Variants in PTPRM observed in about 807,000 individuals in gnomAD.
The protein encoded by PTPRM is protein tyrosine phosphatase receptor type M.
In PTPRM, 47 loss-of-function variants were observed where a neutral mutation model predicts 186.7. The observed-to-expected ratio is 0.25, with a 90% confidence interval of 0.20 to 0.32. The LOEUF is 0.32. Among genes scored for constraint, PTPRM ranks in the 10% least tolerant of loss-of-function variants. PTPRM has a pLI of 1.00. For missense variants in PTPRM, 1,494 were observed against 1,865.0 expected, an observed-to-expected ratio of 0.80 and a Z score of 3.66; for synonymous variants, 668 against 674.9, an observed-to-expected ratio of 0.99 and a Z score of 0.16.
In PTPRM at chr18:8,372,232, C is replaced by T. The variant is rs553777894; in HGVS notation, c.3171+1226C>T. On this transcript the variant is annotated intron_variant, in intron 24 of 32. Coordinates refer to ENST00000580170, the MANE Select transcript of PTPRM (RefSeq NM_001105244.2). Reference sequence around the variant, plus strand: ...GACTACAGGCGCCCGCCACCGCGCCCGGCTAATTTTTTGTATTTTTTTTAG... The same window carrying T: ...GACTACAGGCGCCCGCCACCGCGCCTGGCTAATTTTTTGTATTTTTTTTAG... Among the ~76,000 whole-genome samples the T allele has an allele frequency of 2.5e-3, 367 of 146,664 alleles. 1 individual carries two copies. The highest frequency in any genetic ancestry group is 4.3e-3 in the Non-Finnish European group (284 of 66,704).
At chr18:7,907,153 TAACA>T (rs1381335071) in intron 4 of PTPRM, among the ~76,000 whole-genome samples, 3 of 152,358 alleles carry the variant, frequency 2.0e-5, no homozygotes, top group East Asian at 3.9e-4. Flanking sequence ...TATGAACAAC[TAACA>T]GTTTGTCATA....
In PTPRM at chr18:8,358,249, GCACA is replaced by G. The variant is rs144869213; in HGVS notation, c.3055-12618_3055-12615del. Among the ~76,000 whole-genome samples the G allele has an allele frequency of 4.3e-3, 632 of 147,652 alleles. 4 individuals are homozygous for G. Among genetic ancestry groups the G allele is most frequent in the African/African-American group, 0.013 (523 of 40,230 alleles). ...CTTCCCAAATGTATGCACATGACAC[GCACA>G]CACACACACACACACACACACATGC... is the stretch of plus-strand genomic sequence containing the variant. On this transcript the variant is annotated intron_variant, in intron 23 of 32. Transcript: ENST00000580170.
In PTPRM at chr18:7,786,505, TA is replaced by T. The variant is rs549597051; in HGVS notation, c.196+12240del. On this transcript the variant is annotated intron_variant, in intron 2 of 32. Coordinates refer to ENST00000580170, the MANE Select transcript of PTPRM (RefSeq NM_001105244.2). ...TATTCTGTTACCCATAGAAAATGCA[TA>T]AAAAATTGAAATCCTTGGCATAAAA... 2.6e-5 allele frequency among the ~76,000 whole-genome samples: 4 copies of T among 152,324 alleles called. No homozygotes were observed. In the East Asian group the frequency reaches 7.7e-4, roughly 29 times the overall value.
At position 8,299,644 on chromosome 18, in the gene PTPRM, T is replaced by A. The variant is rs193139162; in HGVS notation, c.2842+3189T>A. On this transcript the variant is annotated intron_variant, in intron 20 of 32. Transcript: ENST00000580170. Reference sequence around the variant, plus strand: ...ACACAAGATACTGCCCTCCTAGTAGTTACAGTCTAGTGCAGGGGGTTGGCA... The same window carrying A: ...ACACAAGATACTGCCCTCCTAGTAGATACAGTCTAGTGCAGGGGGTTGGCA... Among the ~76,000 whole-genome samples, 471 of 152,100 alleles carry A rather than the reference T, an allele frequency of 3.1e-3. 3 individuals are homozygous for A. The highest frequency in any genetic ancestry group is 0.011 in the African/African-American group (447 of 41,464).
chr18:8,306,686 C>T (rs761029457), intron 20 of PTPRM, among the ~76,000 whole-genome samples: 9 of 152,202 alleles, frequency 5.9e-5, no homozygotes, highest in Non-Finnish European at 1.2e-4. Flanking sequence ...TTCCTCCCTT[C>T]AACCCCAATG....
At chr18:8,099,573 C>T (rs758518898) in intron 11 of PTPRM, among the ~76,000 whole-genome samples, 11 of 151,732 alleles carry the variant, frequency 7.2e-5, no homozygotes, top group Non-Finnish European at 1.2e-4. Context: ...AATGTGTCTT[C>T]CGGATGGAAA....
At chr18:8,243,642 C>G (rs2094452088) in intron 14 of PTPRM, among the ~76,000 whole-genome samples, 1 of 152,158 alleles carries the variant, frequency 6.6e-6, no homozygotes, top group Non-Finnish European at 1.5e-5. Flanking sequence ...AAAATATTTA[C>G]TCAAGGGAGT....
chr18:7,733,176 A>T (rs1191746411), intron 1 of PTPRM, among the ~76,000 whole-genome samples: 1 of 152,124 alleles, frequency 6.6e-6, no homozygotes, highest in African/African-American at 2.4e-5. Flanking sequence ...CTATCAACCC[A>T]TCATCTAGGT....
intron 2 of PTPRM, among the ~76,000 whole-genome samples, chr18:7,805,611 C>T (rs1272789023): frequency 6.6e-6 from 1 of 152,168 alleles, no homozygotes; most frequent in Non-Finnish European, 1.5e-5. Flanking sequence ...ATTATTTACT[C>T]AATACTTACT....
intron 7 of PTPRM, among the ~76,000 whole-genome samples, chr18:8,031,782 C>G (rs879743876): frequency 1.1e-4 from 16 of 152,154 alleles, no homozygotes; most frequent in Admixed American, 2.0e-4. Context: ...TGAACCCAAG[C>G]AAATCAGCAG....
At position 8,380,195 on chromosome 18, in the gene PTPRM, C is replaced by T; in HGVS notation, c.3787-101C>T. ...GAATTCAACAGCTGTTAAACATGTT[C>T]AGTGTTTTGTGCCACAAGCTTCCTT... On this transcript the variant is annotated intron_variant, in intron 28 of 32. Coordinates refer to ENST00000580170, the MANE Select transcript of PTPRM (RefSeq NM_001105244.2). 3.1e-6 allele frequency: 4 copies of T among 1,278,088 alleles called. No individual in the cohort carries two copies. In the South Asian group the frequency reaches 5.4e-5, roughly 17 times the overall value. 79.2% of individuals were successfully genotyped at this position (1,278,088 alleles called of 1,614,324 possible).
At chr18:8,090,361 T>G (rs2090648333) in intron 11 of PTPRM, among the ~76,000 whole-genome samples, 1 of 152,158 alleles carries the variant, frequency 6.6e-6, no homozygotes, top group Admixed American at 6.6e-5. Context: ...ACTCAATATT[T>G]TACTGCAAAG....
chr18:8,161,044 A>G (rs905439148), intron 14 of PTPRM, among the ~76,000 whole-genome samples: 2 of 152,338 alleles, frequency 1.3e-5, no homozygotes, highest in Admixed American at 6.5e-5. Flanking sequence ...CTCTAAAGAT[A>G]TGTTCAGCTA....
At chr18:7,881,197 G>A (rs2048488729) in intron 2 of PTPRM, among the ~76,000 whole-genome samples, 1 of 152,152 alleles carries the variant, frequency 6.6e-6, no homozygotes, top group African/African-American at 2.4e-5. Flanking sequence ...GCACTTGGGA[G>A]GCTGAGGCAA....
At chr18:7,801,667 A>G (rs1444600171) in intron 2 of PTPRM, among the ~76,000 whole-genome samples, 1 of 152,220 alleles carries the variant, frequency 6.6e-6, no homozygotes, top group Admixed American at 6.5e-5. Flanking sequence ...GTATTTTTAC[A>G]TGACTCGCAG....
chr18:7,756,093 G>A (rs2041473775), intron 1 of PTPRM, among the ~76,000 whole-genome samples: 2 of 152,076 alleles, frequency 1.3e-5, no homozygotes, highest in Non-Finnish European at 2.9e-5. Flanking sequence ...TTCCTCTCTA[G>A]TACAGCAATT....
chr18:8,323,273 A>G (rs2095356741), intron 22 of PTPRM, among the ~76,000 whole-genome samples: 1 of 152,162 alleles, frequency 6.6e-6, no homozygotes. Context: ...CTTCTAAGTG[A>G]GCATTTTCCA....
intron 1 of PTPRM, among the ~76,000 whole-genome samples, chr18:7,663,126 C>G (rs1035338871): frequency 6.6e-6 from 1 of 152,190 alleles, no homozygotes; most frequent in African/African-American, 2.4e-5. Flanking sequence ...AAGGCAAGTC[C>G]TGCTTGCACA....
intron 13 of PTPRM, among the ~76,000 whole-genome samples, chr18:8,135,083 A>G (rs1205265473): frequency 6.6e-6 from 1 of 152,186 alleles, no homozygotes; most frequent in African/African-American, 2.4e-5. Flanking sequence ...CAAAAAGATT[A>G]GTTTTCTTCC....
Sources: gnomAD v4.1 joint callset for allele counts (sites outside exome capture counted in the v4.1 genomes callset) on GRCh38, gnomAD v4.1.1 for gene constraint, MANE v1.5 for transcripts, NCBI Gene and HGNC (gene_info 2026-07-23, HGNC 2026-07-21) for gene names.